The following PTPRA variants were observed in gnomAD, a reference collection of about 807,000 sequenced individuals.
PTPRA encodes the protein receptor-type tyrosine-protein phosphatase alpha.
PTPRA carries 25 observed loss-of-function variants against 104.8 expected under a neutral mutation model. The observed-to-expected ratio is 0.24, with a 90% CI of 0.17 to 0.33. PTPRA has a LOEUF of 0.33. Among genes scored for constraint, PTPRA ranks in the 10% least tolerant of loss-of-function variants. The pLI is 1.00. For missense variants in PTPRA, 765 were observed against 1,015.3 expected, an observed-to-expected ratio of 0.75 and a Z score of 3.35; for synonymous variants, 323 against 368.9, an observed-to-expected ratio of 0.88 and a Z score of 1.43.
chr20:2,991,268 G>A (rs1212085036), intron 9 of PTPRA, among the ~76,000 whole-genome samples: 3 of 152,094 alleles, frequency 2.0e-5, no homozygotes, highest in Non-Finnish European at 2.9e-5. Context: ...CTGAGGCTGA[G>A]GCAGGAGAAT....
At chr20:2,891,427 G>T (rs1408716732) in intron 1 of PTPRA, among the ~76,000 whole-genome samples, 2 of 152,118 alleles carry the variant, frequency 1.3e-5, no homozygotes. Flanking sequence ...TTGATCCTTG[G>T]TGGTGCTGTG....
chr20:2,948,395 A>C (rs994282294), intron 3 of PTPRA, among the ~76,000 whole-genome samples: 3 of 152,102 alleles, frequency 2.0e-5, no homozygotes, highest in Admixed American at 1.3e-4. Flanking sequence ...TATCTGCTTT[A>C]GTTTCCTGTC....
intron 2 of PTPRA, among the ~76,000 whole-genome samples, chr20:2,924,187 G>A (rs974488651): frequency 3.3e-5 from 5 of 152,050 alleles, no homozygotes; most frequent in Non-Finnish European, 7.4e-5. Flanking sequence ...GGAGGCTAAG[G>A]CGGGCAGATC....
chr20:2,961,455 G>A (rs6051501), intron 3 of PTPRA, among the ~76,000 whole-genome samples: 1 of 152,122 alleles, frequency 6.6e-6, no homozygotes, highest in Non-Finnish European at 1.5e-5. Flanking sequence ...TGTCTCTTCA[G>A]GTCTTTTGCC....
chr20:2,918,207 T>A (rs956397951), intron 1 of PTPRA, among the ~76,000 whole-genome samples: 1 of 152,096 alleles, frequency 6.6e-6, no homozygotes, highest in East Asian at 1.9e-4. Context: ...TTCTTTTTTT[T>A]AAAACGAGAC....
intron 3 of PTPRA, among the ~76,000 whole-genome samples, chr20:2,961,867 A>G (rs776221838): frequency 2.6e-5 from 4 of 152,302 alleles, no homozygotes; most frequent in African/African-American, 7.2e-5. Context: ...TGAAAAGACT[A>G]TCTTGCTCCA....
chr20:2,890,132 A>G (rs2058740715), intron 1 of PTPRA, among the ~76,000 whole-genome samples: 1 of 151,862 alleles, frequency 6.6e-6, no homozygotes, highest in South Asian at 2.1e-4. Context: ...CCTGGCCTCA[A>G]ACAGTCCTCC....
intron 1 of PTPRA, among the ~76,000 whole-genome samples, chr20:2,906,562 A>G (rs926410509): frequency 1.3e-5 from 2 of 152,192 alleles, no homozygotes; most frequent in African/African-American, 2.4e-5. Flanking sequence ...AATAAACACA[A>G]TTTATTGAAA....
chr20:2,870,349 C>T (rs1568633109), upstream of PTPRA, among the ~76,000 whole-genome samples: 1 of 151,808 alleles, frequency 6.6e-6, no homozygotes, highest in Non-Finnish European at 1.5e-5. Flanking sequence ...GCCTGGGCAA[C>T]AAGAGCAAAA....
chr20:2,893,183 T>C (rs1181503854), intron 1 of PTPRA, among the ~76,000 whole-genome samples: 3 of 152,250 alleles, frequency 2.0e-5, no homozygotes, highest in Non-Finnish European at 4.4e-5. Context: ...TTTGCAGTTT[T>C]ATATCTCCAG....
At chr20:2,893,138 C>G (rs576114533) in intron 1 of PTPRA, among the ~76,000 whole-genome samples, 86 of 152,262 alleles carry the variant, frequency 5.6e-4, no homozygotes, top group African/African-American at 1.9e-3. Context: ...AAACTGGGTG[C>G]TCTTTGAGGG....
At chr20:3,029,540 CTTT>C (rs71195813) in intron 20 of PTPRA, among the ~76,000 whole-genome samples, 5 of 78,078 alleles carry the variant, frequency 6.4e-5, no homozygotes, top group African/African-American at 5.5e-5. Flanking sequence ...TCTTCATCAT[CTTT>C]TTTTTTTTTT....
At chr20:2,866,564 A>G in the PTPRA span, 9 of 1,614,140 alleles carry the variant, frequency 5.6e-6, no homozygotes, top group Non-Finnish European at 7.6e-6. Flanking sequence ...GCACAAGCCC[A>G]GAAGAAGTGA....
intron 9 of PTPRA, among the ~76,000 whole-genome samples, chr20:2,989,423 C>T (rs1453994635): frequency 6.6e-6 from 1 of 152,228 alleles, no homozygotes; most frequent in East Asian, 1.9e-4. Flanking sequence ...CAGAGCGAGA[C>T]TCCATCTCAA....
chr20:2,986,753 T>C lies in PTPRA; in HGVS notation c.443-12T>C. 1 of 1,603,300 alleles carries C rather than the reference T, an allele frequency of 6.2e-7. No homozygotes were observed. Among genetic ancestry groups the C allele is most frequent in the Non-Finnish European group, 8.5e-7 (1 of 1,170,074 alleles). ...AACACAGTAATGACTTGTTCTGTTG[T>C]CTTGATTTCAGATGAGACACCAATT... On this transcript the variant is annotated splice_polypyrimidine_tract_variant and intron_variant, in intron 6 of 23. Transcript: ENST00000399903.
At chr20:3,027,344 C>G (rs2065196951) in intron 19 of PTPRA, 147 bp downstream of exon 19, 9 of 841,944 alleles carry the variant, frequency 1.1e-5, no homozygotes, top group Non-Finnish European at 1.3e-5. Context: ...CCCACTCACC[C>G]TGTGCATTAG....
intron 23 of PTPRA, 38 bp from the exon 24 acceptor site, chr20:3,038,020 TC>T: frequency 6.6e-7 from 1 of 1,524,612 alleles, no homozygotes; most frequent in Non-Finnish European, 9.1e-7. Flanking sequence ...TGTGTGTTCT[TC>T]AGTAACCCTG....
At chr20:3,017,955 T>C (rs763935031) in intron 13 of PTPRA, 42 bp downstream of exon 13, 1 of 1,518,966 alleles carries the variant, frequency 6.6e-7, no homozygotes, top group Admixed American at 1.7e-5. Flanking sequence ...AGGATCACTC[T>C]GCATATAAGC....
rs183727384 is a variant in PTPRA, at chr20:2,937,148, G to A, written c.-49-10834G>A. Among the ~76,000 whole-genome samples, 47 of 136,224 alleles carry A rather than the reference G, an allele frequency of 3.5e-4. 1 individual carries two copies. The highest frequency in any genetic ancestry group is 3.2e-3 in the Admixed American group (41 of 12,692). 89.4% of individuals were successfully genotyped at this position (136,224 alleles called of 152,430 possible). The stretch of plus-strand genomic sequence containing the variant: ...TCTTCTTTTTTTTTTTTTTTGAGAC[G>A]GAGTCTTGCTCTGTCATCAGGTTGG... On this transcript the variant is annotated intron_variant, in intron 2 of 23. Coordinates refer to ENST00000399903, the MANE Select transcript of PTPRA (RefSeq NM_001385305.1).
Sources: allele counts gnomAD v4.1 joint callset (sites outside exome capture counted in the v4.1 genomes callset), GRCh38; gene constraint gnomAD v4.1.1; transcripts MANE v1.5; gene names NCBI Gene and HGNC (gene_info 2026-07-23, HGNC 2026-07-21).